The following ZNF407 variants were observed in gnomAD, a reference collection of about 807,000 sequenced individuals.
The protein encoded by ZNF407 is zinc finger protein 407.
ZNF407 carries 17 observed loss-of-function variants against 131.2 expected under a neutral mutation model. That is an observed-to-expected ratio of 0.13 (90% CI 0.09 to 0.19). ZNF407 has a LOEUF of 0.19. Ranked by LOEUF, ZNF407 falls within the 10% of genes least tolerant of loss-of-function variation. ZNF407 has a pLI of 1.00. For missense variants in ZNF407, 2,681 were observed against 2,830.6 expected (o/e 0.95, Z 1.20); for synonymous variants, 1,156 against 1,062.0 (o/e 1.09, Z -1.72).
chr18:74,692,422 C>G (rs918697266), intron 3 of ZNF407, among the ~76,000 whole-genome samples: 1 of 152,122 alleles, frequency 6.6e-6, no homozygotes, highest in Non-Finnish European at 1.5e-5. Flanking sequence ...TCAGAGGGCT[C>G]TCCTTCCATG....
chr18:74,881,126 T>A lies in ZNF407; in HGVS notation c.5128+7T>A. ...CATCGCAGACAGCACACAGGTCAGT[T>A]CCGATGCTGCACTGGCCCCTTCTCT... On this transcript the variant is annotated splice_region_variant and intron_variant, in intron 6 of 8. Coordinates refer to ENST00000299687, the MANE Select transcript of ZNF407 (RefSeq NM_017757.3). The A allele has an allele frequency of 1.9e-6, 3 of 1,565,468 alleles. No homozygotes were observed. Among genetic ancestry groups the A allele is most frequent in the Non-Finnish European group, 2.6e-6 (3 of 1,156,188 alleles).
intron 8 of ZNF407, among the ~76,000 whole-genome samples, chr18:74,977,030 G>T (rs915096772): frequency 2.6e-5 from 4 of 152,168 alleles, no homozygotes; most frequent in Non-Finnish European, 5.9e-5. Context: ...AAGGATTGCT[G>T]TATCCTATGG....
At chr18:74,953,962 G>A (rs761841161) in intron 8 of ZNF407, among the ~76,000 whole-genome samples, 5 of 152,150 alleles carry the variant, frequency 3.3e-5, no homozygotes, top group Admixed American at 2.6e-4. Flanking sequence ...GGAGAAAAAG[G>A]GATAGTGTAT....
chr18:74,860,541 G>C (rs1416571368), intron 4 of ZNF407, among the ~76,000 whole-genome samples: 1 of 150,236 alleles, frequency 6.7e-6, no homozygotes, highest in Non-Finnish European at 1.5e-5. Context: ...AAATGAAATC[G>C]TCTATTTTCA....
At chr18:74,610,139 C>T (rs199949766) in intron 1 of ZNF407, among the ~76,000 whole-genome samples, 1 of 152,146 alleles carries the variant, frequency 6.6e-6, no homozygotes, top group Non-Finnish European at 1.5e-5. Flanking sequence ...CTGCAATACA[C>T]AAGCCACTCA....
intron 3 of ZNF407, among the ~76,000 whole-genome samples, chr18:74,764,598 A>G (rs1283030052): frequency 2.0e-5 from 3 of 152,204 alleles, no homozygotes; most frequent in Non-Finnish European, 4.4e-5. Context: ...AGATTGTGTT[A>G]AGTATTGTAA....
chr18:74,867,082 G>GA (rs1971023040), intron 4 of ZNF407, among the ~76,000 whole-genome samples: 2 of 151,758 alleles, frequency 1.3e-5, no homozygotes, highest in African/African-American at 4.8e-5. Flanking sequence ...AATAGTGATG[G>GA]TTGTCATCCC....
At chr18:74,931,789 C>G (rs899342448) in intron 8 of ZNF407, among the ~76,000 whole-genome samples, 2 of 152,168 alleles carry the variant, frequency 1.3e-5, no homozygotes, top group Non-Finnish European at 2.9e-5. Flanking sequence ...TTTAACTGAT[C>G]ACTAATGATG....
rs1568264274 is a variant in ZNF407, at chr18:74,907,046, G to A, written c.5250-13468G>A. Among the ~76,000 whole-genome samples, 3 of 152,150 alleles carry A rather than the reference G, an allele frequency of 2.0e-5. No homozygotes were observed. The South Asian group carries it at 6.2e-4, about 32-fold the overall frequency. On this transcript the variant is annotated intron_variant, in intron 7 of 8. Transcript: ENST00000299687. The stretch of plus-strand genomic sequence containing the variant: ...GTATATGCACACACATACCGTATGT[G>A]TATATTTTTGAAAAGCTGAAAGGAC...
At chr18:74,848,068 CT>C (rs1295439026) in intron 4 of ZNF407, among the ~76,000 whole-genome samples, 2 of 151,954 alleles carry the variant, frequency 1.3e-5, no homozygotes, top group Non-Finnish European at 2.9e-5. Flanking sequence ...AAATTATTAC[CT>C]TGAAATCCAT....
At chr18:74,920,835 T>C (rs2145242207) in intron 8 of ZNF407, 143 bp downstream of exon 8, 1 of 1,298,946 alleles carries the variant, frequency 7.7e-7, no homozygotes, top group African/African-American at 1.5e-5. Context: ...TATAGAAAAG[T>C]ACATTCCAGT....
At position 75,006,361 on chromosome 18, in the gene ZNF407, T is replaced by A. The variant is rs1381833232; in HGVS notation, c.5429-56789T>A. On this transcript the variant is annotated intron_variant, in intron 8 of 8. Coordinates refer to ENST00000299687, the MANE Select transcript of ZNF407 (RefSeq NM_017757.3). ...ATTCTTTTTTCTAACTTAAGTTGAA[T>A]GCTTAATCAGTTAATTTCTTTTCTT... is the stretch of plus-strand genomic sequence containing the variant. Among the ~76,000 whole-genome samples, 2 of 152,236 alleles carry A rather than the reference T, an allele frequency of 1.3e-5. 1 individual carries two copies. Among genetic ancestry groups the A allele is most frequent in the Non-Finnish European group, 2.9e-5 (2 of 68,046 alleles).
chr18:74,937,014 T>C (rs2095391824), intron 8 of ZNF407, among the ~76,000 whole-genome samples: 1 of 152,250 alleles, frequency 6.6e-6, no homozygotes, highest in Non-Finnish European at 1.5e-5. Flanking sequence ...ATCTTGTGTT[T>C]ATACATGCTG....
intron 8 of ZNF407, among the ~76,000 whole-genome samples, chr18:74,981,534 G>A (rs1972593178): frequency 6.6e-6 from 1 of 152,222 alleles, no homozygotes; most frequent in Non-Finnish European, 1.5e-5. Context: ...GGTTCATAGA[G>A]TATGTTCAGT....
chr18:74,643,381 A>G (rs1325027803), intron 3 of ZNF407, among the ~76,000 whole-genome samples: 1 of 152,054 alleles, frequency 6.6e-6, no homozygotes, highest in Non-Finnish European at 1.5e-5. Context: ...ATCTTTCAGG[A>G]ACATTAACTC....
At chr18:74,724,046 T>C (rs913138529) in intron 3 of ZNF407, among the ~76,000 whole-genome samples, 2 of 152,140 alleles carry the variant, frequency 1.3e-5, no homozygotes, top group African/African-American at 4.8e-5. Flanking sequence ...CCCAAGGCAT[T>C]ATATGTTTAT....
intron 3 of ZNF407, among the ~76,000 whole-genome samples, chr18:74,768,299 C>G (rs999061475): frequency 5.3e-5 from 8 of 152,120 alleles, no homozygotes; most frequent in Non-Finnish European, 1.2e-4. Flanking sequence ...ATTCCTAGAT[C>G]CCTCTTAGAC....
intron 4 of ZNF407, among the ~76,000 whole-genome samples, chr18:74,851,795 A>T (rs999919337): frequency 1.3e-5 from 2 of 152,238 alleles, no homozygotes; most frequent in African/African-American, 4.8e-5. Context: ...AAGAGTGAAC[A>T]ATACAGAACA....
In ZNF407 at chr18:75,060,712, A is replaced by C. The variant is rs911412325; in HGVS notation, c.5429-2438A>C. ...AGTAGAGACGGGGTTTCACCGTGTTAGCCAGGATGGTCTCGATCTCCTGAC... is the reference window on the plus strand; with the variant it reads ...AGTAGAGACGGGGTTTCACCGTGTTCGCCAGGATGGTCTCGATCTCCTGAC... On this transcript the variant is annotated intron_variant, in intron 8 of 8. Coordinates refer to ENST00000299687, the MANE Select transcript of ZNF407 (RefSeq NM_017757.3). Among the ~76,000 whole-genome samples, 150 of 150,868 alleles carry C rather than the reference A, an allele frequency of 9.9e-4. 2 individuals carry two copies. Among genetic ancestry groups the C allele is most frequent in the East Asian group, 3.5e-3 (18 of 5,104 alleles).
Sources: allele counts gnomAD v4.1 joint callset (sites outside exome capture counted in the v4.1 genomes callset), GRCh38; gene constraint gnomAD v4.1.1; transcripts MANE v1.5; gene names NCBI Gene and HGNC (gene_info 2026-07-23, HGNC 2026-07-21).